Variants in DGCR2 observed in about 807,000 individuals in gnomAD.
The protein encoded by DGCR2 is DiGeorge syndrome critical region gene 2, also known as integral membrane protein DGCR2/IDD.
In DGCR2, 24 loss-of-function variants were observed where a neutral mutation model predicts 51.6. The observed-to-expected ratio is 0.47, with a 90% CI of 0.34 to 0.65. The LOEUF (loss-of-function observed/expected upper bound fraction) is 0.65, where lower values mean the gene tolerates loss of function less well. Ranked by LOEUF, DGCR2 falls within the 30% of genes least tolerant of loss-of-function variation. The pLI, the probability that DGCR2 is intolerant of heterozygous loss-of-function variation, is 0.01. For synonymous variants in DGCR2, 340 were observed against 315.4 expected (o/e 1.08, Z -0.82); for missense variants, 765 against 772.1 (o/e 0.99, Z 0.11).
intron 1 of DGCR2, among the ~76,000 whole-genome samples, chr22:19,107,100 T>C (rs1221774726): frequency 5.9e-5 from 9 of 152,240 alleles, no homozygotes; most frequent in Non-Finnish European, 4.4e-5. Flanking sequence ...GCAACTTCTT[T>C]GATATGGCTC....
chr22:19,052,491 A>C (rs1003005606), intron 6 of DGCR2, among the ~76,000 whole-genome samples: 1 of 152,054 alleles, frequency 6.6e-6, no homozygotes, highest in African/African-American at 2.4e-5. Context: ...CTGTATGCGG[A>C]TGTTCACGGC....
At chr22:19,054,274 C>T (rs2082578529) in intron 6 of DGCR2, among the ~76,000 whole-genome samples, 1 of 152,120 alleles carries the variant, frequency 6.6e-6, no homozygotes, top group Admixed American at 6.6e-5. Flanking sequence ...CAGTTTACTC[C>T]CAAATGATTC....
chr22:19,062,779 A>ACTCGCTCACTCT (rs2082688729), intron 5 of DGCR2, among the ~76,000 whole-genome samples: 1 of 127,354 alleles, frequency 7.9e-6, no homozygotes, highest in South Asian at 2.9e-4. Flanking sequence ...ATGCATGCTC[A>ACTCGCTCACTCT]CTCTCTCTCT....
intron 2 of DGCR2, among the ~76,000 whole-genome samples, chr22:19,076,473 T>C (rs1310317697): frequency 1.3e-5 from 2 of 151,854 alleles, no homozygotes; most frequent in East Asian, 1.9e-4. Context: ...CAGGTAATTC[T>C]ACTTTTAATT....
At chr22:19,049,826 CAA>C (rs538842818) in intron 6 of DGCR2, among the ~76,000 whole-genome samples, 36,384 of 110,028 alleles carry the variant, frequency 0.33, 5,063 homozygotes, top group African/African-American at 0.48. Context: ...GACTCTGTCT[CAA>C]AAAAAAAAAA....
At chr22:19,109,078 C>T (rs1357830424) in intron 1 of DGCR2, among the ~76,000 whole-genome samples, 1 of 151,796 alleles carries the variant, frequency 6.6e-6, no homozygotes, top group Non-Finnish European at 1.5e-5. Context: ...AAATGTAAGC[C>T]AAAACCACAA....
In DGCR2 at chr22:19,057,080, A is replaced by C; in HGVS notation, c.708T>G (p.Leu236=). The change falls in exon 6 of 10, where the codon CTT becomes CTG. Residue 236 remains leucine, a synonymous_variant. Coordinates refer to ENST00000263196, the MANE Select transcript of DGCR2 (RefSeq NM_005137.3). This position sits in a 1 kb window ranked among gnomAD's most constrained non-coding sequence, Gnocchi z 5.1. ...SENDNVFCAQ[L]QCFHFPTLRH... is the part of the protein sequence containing the mutation. ...GCAGGGTGGGGAAATGGAAGCACTG[A>C]AGCTGGGCACAGAACACGTTGTCGT... The C allele has an allele frequency of 6.2e-7, 1 of 1,604,980 alleles. No homozygotes were observed.
chr22:19,084,576 C>T (rs973125408), intron 2 of DGCR2, among the ~76,000 whole-genome samples: 49 of 150,620 alleles, frequency 3.3e-4, no homozygotes, highest in Non-Finnish European at 6.4e-4. Context: ...GCCACCCCGT[C>T]TGAGAAGTGA....
At chr22:19,063,060 C>T in intron 5 of DGCR2, 142 bp downstream of exon 5, 1 of 722,038 alleles carries the variant, frequency 1.4e-6, no homozygotes, top group South Asian at 1.8e-5. Context: ...TGACCGCAGC[C>T]CTCCCTGCAA....
intron 1 of DGCR2, among the ~76,000 whole-genome samples, chr22:19,114,071 A>C: frequency 6.6e-6 from 1 of 150,722 alleles, no homozygotes; most frequent in Non-Finnish European, 1.5e-5. Flanking sequence ...GGAAAAAAAA[A>C]AAAAAAAAAA....
At chr22:19,107,401 G>C (rs954702215) in intron 1 of DGCR2, among the ~76,000 whole-genome samples, 1 of 152,294 alleles carries the variant, frequency 6.6e-6, no homozygotes, top group African/African-American at 2.4e-5. Flanking sequence ...AAGGGACAAG[G>C]CCTATGCTTC....
chr22:19,063,152 A>G, intron 5 of DGCR2, 50 bp downstream of exon 5: 1 of 1,556,338 alleles, frequency 6.4e-7, no homozygotes. Context: ...GCCCCGAATC[A>G]GGGTGACTCT....
intron 4 of DGCR2, among the ~76,000 whole-genome samples, chr22:19,063,940 C>CA (rs2082718230): frequency 6.6e-6 from 1 of 152,204 alleles, no homozygotes; most frequent in Non-Finnish European, 1.5e-5. Flanking sequence ...TAAGTCCCTG[C>CA]AAATATCCAC....
Position 19,057,149 on chromosome 22 carries a change from C to A in DGCR2, c.639G>T (p.Val213=), listed in dbSNP as rs1179319089. The A allele has an allele frequency of 1.2e-6, 2 of 1,605,554 alleles. No homozygotes were observed. Among genetic ancestry groups the A allele is most frequent in the African/African-American group, 2.7e-5 (2 of 74,966 alleles). ...WEVAFKGSSE[V]FLPPDPIFAS... The stretch of plus-strand genomic sequence containing the variant: ...CAAAGATGGGGTCTGGGGGCAGGAA[C>A]ACCTCTGAAGAGCCTGTTGGGGAGA... The change falls in exon 6 of 10, where the codon GTG becomes GTT. Residue 213 remains valine, a synonymous_variant. Coordinates refer to ENST00000263196, the MANE Select transcript of DGCR2 (RefSeq NM_005137.3). The surrounding 1 kb of genome is among the most constrained non-coding windows in gnomAD (Gnocchi z 5.1).
intron 2 of DGCR2, among the ~76,000 whole-genome samples, chr22:19,087,832 G>A (rs185329990): frequency 5.2e-4 from 79 of 152,156 alleles, no homozygotes; most frequent in Admixed American, 4.7e-3. Context: ...TTATAGGTGT[G>A]CAGCACCACA....
Position 19,039,054 on chromosome 22 carries a change from T to C in DGCR2, c.1464A>G (p.Ala488=), listed in dbSNP as rs756210731. ...GAGGCTGCTCCAGGCGCCGGAGTAA[T>C]GCACCTTCACTCCCACCATCCCCAG... ...PAPGDGGSEG[A]LLRRLEQPLP... is the part of the protein sequence containing the mutation. The change falls in exon 10 of 10, where the codon GCA becomes GCG. Residue 488 remains alanine, a synonymous_variant. Coordinates refer to ENST00000263196, the MANE Select transcript of DGCR2 (RefSeq NM_005137.3). 9 of 1,613,080 alleles carry C rather than the reference T, an allele frequency of 5.6e-6. No homozygotes were observed. Among genetic ancestry groups the C allele is most frequent in the South Asian group, 1.1e-5 (1 of 91,084 alleles).
intron 1 of DGCR2, among the ~76,000 whole-genome samples, chr22:19,102,418 TG>T (rs1185917176): frequency 2.2e-4 from 33 of 151,912 alleles, no homozygotes; most frequent in African/African-American, 7.7e-4. Flanking sequence ...ATGGTTAAAA[TG>T]GGGCCGGGCG....
At chr22:19,054,786 G>T (rs1359123679) in intron 6 of DGCR2, among the ~76,000 whole-genome samples, 2 of 151,172 alleles carry the variant, frequency 1.3e-5, no homozygotes, top group African/African-American at 2.4e-5. Flanking sequence ...AGAAAAAAAT[G>T]TAACAGGCCA....
intron 2 of DGCR2, among the ~76,000 whole-genome samples, chr22:19,074,165 T>C (rs361585): frequency 1 from 152,322 of 152,322 alleles, 76,161 homozygotes; most frequent in Non-Finnish European, 1. Flanking sequence ...GTGGCTCACG[T>C]CTGTAATCCC....
Sources: gnomAD v4.1 joint callset for allele counts (sites outside exome capture counted in the v4.1 genomes callset) on GRCh38, gnomAD v4.1.1 for gene constraint, Gnocchi (gnomAD v3.1) non-coding constraint, MANE v1.5 for transcripts, NCBI Gene and HGNC (gene_info 2026-07-23, HGNC 2026-07-21) for gene names.